Variants in TAFA1 observed in about 807,000 individuals in gnomAD.
The protein encoded by TAFA1 is chemokine-like protein TAFA-1.
TAFA1 carries 4 observed loss-of-function variants against 18.5 expected under a neutral mutation model. That is an observed-to-expected ratio of 0.22 (90% CI 0.11 to 0.49). TAFA1 has a LOEUF of 0.49. Among genes scored for constraint, TAFA1 ranks in the 20% least tolerant of loss-of-function variants. The pLI is 0.98. For missense variants in TAFA1, 147 were observed against 169.0 expected (o/e 0.87, Z 0.72); for synonymous variants, 56 against 55.2 (o/e 1.01, Z -0.06).
At chr3:68,256,395 G>A (rs529446786) in intron 2 of TAFA1, among the ~76,000 whole-genome samples, 125 of 152,282 alleles carry the variant, frequency 8.2e-4, no homozygotes, top group African/African-American at 2.9e-3. Context: ...GGGAGACCAA[G>A]ACCTTGATTA....
intron 3 of TAFA1, among the ~76,000 whole-genome samples, chr3:68,441,412 C>T (rs530800729): frequency 2.0e-5 from 3 of 152,208 alleles, no homozygotes; most frequent in Admixed American, 2.0e-4. Context: ...CAAAGCCCTG[C>T]CATCTTCTGC....
chr3:68,199,971 G>C (rs773283775), intron 2 of TAFA1, among the ~76,000 whole-genome samples: 1 of 151,556 alleles, frequency 6.6e-6, no homozygotes, highest in African/African-American at 2.4e-5. Flanking sequence ...AATGTGAGCT[G>C]TAGGTGTTTT....
At chr3:68,170,007 T>A (rs2066032885) in intron 2 of TAFA1, among the ~76,000 whole-genome samples, 1 of 152,178 alleles carries the variant, frequency 6.6e-6, no homozygotes, top group African/African-American at 2.4e-5. Flanking sequence ...ATGAGAACAC[T>A]TGCAAAAGTC....
intron 2 of TAFA1, among the ~76,000 whole-genome samples, chr3:68,082,584 G>A (rs1231797655): frequency 1.3e-5 from 2 of 152,114 alleles, no homozygotes; most frequent in Non-Finnish European, 2.9e-5. Context: ...AATTATTTTG[G>A]TTGTTTGAGC....
At chr3:68,373,688 A>G (rs1196310505) in intron 2 of TAFA1, among the ~76,000 whole-genome samples, 1 of 152,232 alleles carries the variant, frequency 6.6e-6, no homozygotes, top group African/African-American at 2.4e-5. Flanking sequence ...CAGAGCTACC[A>G]TAAAAGACAG....
chr3:68,050,546 C>T (rs2064456391), intron 2 of TAFA1, among the ~76,000 whole-genome samples: 1 of 152,094 alleles, frequency 6.6e-6, no homozygotes, highest in Non-Finnish European at 1.5e-5. Flanking sequence ...GGAATGTGTA[C>T]AAAAGTACCT....
intron 2 of TAFA1, among the ~76,000 whole-genome samples, chr3:68,239,439 C>A (rs1022542810): frequency 6.6e-6 from 1 of 152,100 alleles, no homozygotes; most frequent in Non-Finnish European, 1.5e-5. Flanking sequence ...ACAATTCTTT[C>A]TTCCTGAATA....
At chr3:68,316,959 T>G (rs1170328898) in intron 2 of TAFA1, among the ~76,000 whole-genome samples, 2 of 152,230 alleles carry the variant, frequency 1.3e-5, no homozygotes, top group Admixed American at 6.5e-5. Context: ...TTTTTTTCAA[T>G]GCAATGAATT....
chr3:68,456,745 G>C (rs79221832), intron 3 of TAFA1, among the ~76,000 whole-genome samples: 1 of 152,070 alleles, frequency 6.6e-6, no homozygotes, highest in African/African-American at 2.4e-5. Flanking sequence ...AAGCTTTTGC[G>C]CCTGCTGGCA....
chr3:68,178,456 T>C (rs188856272), intron 2 of TAFA1, among the ~76,000 whole-genome samples: 1 of 152,158 alleles, frequency 6.6e-6, no homozygotes, highest in African/African-American at 2.4e-5. Context: ...GTGTTAGGAA[T>C]GAAGCAAGCA....
At chr3:68,493,814 C>G (rs754727570) in intron 3 of TAFA1, among the ~76,000 whole-genome samples, 1 of 152,128 alleles carries the variant, frequency 6.6e-6, no homozygotes, top group South Asian at 2.1e-4. Context: ...AAGTTTATGA[C>G]GTTTTCCTGC....
At chr3:68,271,378 G>A (rs1559592012) in intron 2 of TAFA1, among the ~76,000 whole-genome samples, 1 of 152,072 alleles carries the variant, frequency 6.6e-6, no homozygotes, top group Non-Finnish European at 1.5e-5. Flanking sequence ...ATTGTCCAGG[G>A]GATGGAATTG....
intron 3 of TAFA1, among the ~76,000 whole-genome samples, chr3:68,440,281 C>T (rs1262190658): frequency 1.3e-5 from 2 of 152,188 alleles, no homozygotes; most frequent in Non-Finnish European, 2.9e-5. Context: ...ATTGTGAGGC[C>T]TCCCCAGCCA....
intron 2 of TAFA1, among the ~76,000 whole-genome samples, chr3:68,173,619 A>G (rs1160395884): frequency 1.3e-5 from 2 of 152,212 alleles, no homozygotes; most frequent in Non-Finnish European, 2.9e-5. Context: ...TTATTTTCCT[A>G]TGAGAGTACA....
chr3:68,423,208 A>T (rs1345476960), intron 3 of TAFA1, among the ~76,000 whole-genome samples: 1 of 152,088 alleles, frequency 6.6e-6, no homozygotes, highest in East Asian at 1.9e-4. Flanking sequence ...AATGTTTACC[A>T]TTTTTTAAGG....
intron 2 of TAFA1, among the ~76,000 whole-genome samples, chr3:68,037,384 A>G (rs923016731): frequency 1.1e-4 from 16 of 152,180 alleles, no homozygotes; most frequent in South Asian, 2.1e-4. Flanking sequence ...GAAGCCTGTA[A>G]TGAAGCATCC....
intron 2 of TAFA1, among the ~76,000 whole-genome samples, chr3:68,365,299 T>C (rs2069545004): frequency 6.6e-6 from 1 of 152,176 alleles, no homozygotes; most frequent in Non-Finnish European, 1.5e-5. Flanking sequence ...TCTCTGACTA[T>C]AAAACCCATT....
intron 3 of TAFA1, among the ~76,000 whole-genome samples, chr3:68,442,226 G>T (rs554096966): frequency 5.3e-5 from 8 of 152,266 alleles, no homozygotes; most frequent in African/African-American, 1.9e-4. Flanking sequence ...ATTTCTTACA[G>T]TTGTGGACAC....
intron 4 of TAFA1, 119 bp from the exon 5 acceptor site, chr3:68,544,367 C>T: frequency 1.0e-6 from 1 of 972,140 alleles, no homozygotes; most frequent in South Asian, 1.5e-5. Context: ...CTTCAGATCA[C>T]CTGAAAAAAA....
Sources: allele counts gnomAD v4.1 joint callset (sites outside exome capture counted in the v4.1 genomes callset), GRCh38; gene constraint gnomAD v4.1.1; transcripts MANE v1.5; gene names NCBI Gene and HGNC (gene_info 2026-07-23, HGNC 2026-07-21).